Variants in RYR3 observed in about 807,000 individuals in gnomAD.
RYR3 encodes brain ryanodine receptor-calcium release channel.
In RYR3, 207 loss-of-function variants were observed where a neutral mutation model predicts 584.3. That is an observed-to-expected ratio of 0.35 (90% confidence interval 0.32 to 0.40). The LOEUF is 0.40. RYR3 is among the 10% of genes least tolerant of loss of function. The pLI is 1.00. For synonymous variants in RYR3, 2,416 were observed against 2,248.5 expected (o/e 1.07, Z -2.11); for missense variants, 5,616 against 6,089.2 (o/e 0.92, Z 2.59).
At chr15:33,474,264 G>A (rs1448707427) in intron 2 of RYR3, among the ~76,000 whole-genome samples, 1 of 152,168 alleles carries the variant, frequency 6.6e-6, no homozygotes, top group African/African-American at 2.4e-5. Flanking sequence ...TGGGCAGATG[G>A]GTGGATGGGT....
intron 24 of RYR3, among the ~76,000 whole-genome samples, chr15:33,634,347 G>A (rs555534859): frequency 4.6e-5 from 7 of 152,208 alleles, no homozygotes; most frequent in South Asian, 2.1e-4. Flanking sequence ...CACCACACCC[G>A]GCCAAAAGTG....
chr15:33,627,624 A>G (rs555528523), intron 20 of RYR3, among the ~76,000 whole-genome samples: 1 of 152,340 alleles, frequency 6.6e-6, no homozygotes, highest in South Asian at 2.1e-4. Flanking sequence ...ATGTGTTTGT[A>G]GAGACAGTGA....
rs1567046745 is a variant in RYR3 at position 33,336,466 on chromosome 15, GAGAGAGAGAGAGAGAGAGAGAA to G, written c.51+25374_51+25395del. Among the ~76,000 whole-genome samples, 8 of 37,196 alleles carry G rather than the reference GAGAGAGAGAGAGAGAGAGAGAA, an allele frequency of 2.2e-4. 1 individual carries two copies. Among genetic ancestry groups the G allele is most frequent in the Non-Finnish European group, 3.7e-4 (8 of 21,740 alleles). 24.4% of individuals were successfully genotyped at this position (37,196 alleles called of 152,430 possible). A position where few individuals can be genotyped will look rare whatever the true frequency, so the allele number is the denominator to read the frequency against. ...AGAGAGAGAGAGAGAGAGAGAGAGA[GAGAGAGAGAGAGAGAGAGAGAA>G]AGAAAGAAAGAAAGAAGGAGGGAAG... On this transcript the variant is annotated intron_variant, in intron 1 of 103. Coordinates refer to ENST00000634891, the MANE Select transcript of RYR3 (RefSeq NM_001036.6).
chr15:33,623,053 T>G (rs1161546422), intron 19 of RYR3, among the ~76,000 whole-genome samples: 2 of 152,160 alleles, frequency 1.3e-5, no homozygotes, highest in Non-Finnish European at 2.9e-5. Flanking sequence ...CCTTCCCCAC[T>G]TCGTTGGGAA....
intron 92 of RYR3, among the ~76,000 whole-genome samples, chr15:33,844,112 G>A (rs1268518365): frequency 6.6e-6 from 1 of 152,176 alleles, no homozygotes; most frequent in African/African-American, 2.4e-5. Flanking sequence ...TCTCGACATA[G>A]TCTTTAACTG....
chr15:33,556,341 T>C (rs1285829457), intron 10 of RYR3, among the ~76,000 whole-genome samples: 1 of 152,224 alleles, frequency 6.6e-6, no homozygotes, highest in Non-Finnish European at 1.5e-5. Context: ...ATCATTCACA[T>C]TGATGCCAGA....
chr15:33,659,088 T>A (rs2062992632), intron 32 of RYR3, among the ~76,000 whole-genome samples: 1 of 152,082 alleles, frequency 6.6e-6, no homozygotes, highest in Admixed American at 6.5e-5. Context: ...GTCATGACTG[T>A]GGTGGGGGCA....
chr15:33,692,560 T>C (rs1446373794), intron 38 of RYR3, among the ~76,000 whole-genome samples: 1 of 152,102 alleles, frequency 6.6e-6, no homozygotes, highest in Non-Finnish European at 1.5e-5. Context: ...GAATTACATC[T>C]GCCTGTCAGC....
intron 10 of RYR3, among the ~76,000 whole-genome samples, chr15:33,553,973 T>G (rs376870235): frequency 2.6e-4 from 40 of 152,280 alleles, no homozygotes; most frequent in African/African-American, 9.1e-4. Flanking sequence ...AACATATTTG[T>G]TTTTTTCTAA....
intron 1 of RYR3, among the ~76,000 whole-genome samples, chr15:33,364,638 G>A (rs1360496979): frequency 6.6e-6 from 1 of 152,190 alleles, no homozygotes; most frequent in Non-Finnish European, 1.5e-5. Context: ...AGGCCTTGCT[G>A]AAAAAGTCAT....
At chr15:33,384,076 C>T (rs1567136262) in intron 1 of RYR3, among the ~76,000 whole-genome samples, 1 of 152,150 alleles carries the variant, frequency 6.6e-6, no homozygotes, top group African/African-American at 2.4e-5. Context: ...GGCTTTTGTC[C>T]TGTGCACTCT....
At chr15:33,705,167 C>G (rs918292377) in intron 42 of RYR3, among the ~76,000 whole-genome samples, 10 of 149,314 alleles carry the variant, frequency 6.7e-5, no homozygotes, top group Non-Finnish European at 1.3e-4. Context: ...TGTGAAATGT[C>G]TGCACCTGCA....
At chr15:33,400,387 A>G (rs74996897) in intron 1 of RYR3, among the ~76,000 whole-genome samples, 2,007 of 152,260 alleles carry the variant, frequency 0.013, 45 homozygotes, top group African/African-American at 0.044. Flanking sequence ...CACACACACT[A>G]TAGGCTGCTG....
intron 27 of RYR3, among the ~76,000 whole-genome samples, chr15:33,638,830 A>G (rs1287192136): frequency 2.0e-5 from 3 of 151,228 alleles, no homozygotes; most frequent in Non-Finnish European, 4.4e-5. Context: ...TGTTAACTAC[A>G]GAATACAAGA....
intron 54 of RYR3, 59 bp downstream of exon 54, chr15:33,748,319 A>C (rs1203157473): frequency 1.0e-5 from 16 of 1,594,172 alleles, no homozygotes; most frequent in Admixed American, 3.4e-5. Context: ...AGAATCTGGG[A>C]ATGTTCTGCC....
rs557243258 is a variant in RYR3, at chr15:33,813,174, A to G, written c.10389+180A>G. Reference sequence around the variant, plus strand: ...ATGCCCTGTGATAGGAGACCTCTCCATTATTTCCCCTGCCAGTGTTTTGTG... The same window carrying G: ...ATGCCCTGTGATAGGAGACCTCTCCGTTATTTCCCCTGCCAGTGTTTTGTG... On this transcript the variant is annotated intron_variant, in intron 73 of 103. Coordinates refer to ENST00000634891, the MANE Select transcript of RYR3 (RefSeq NM_001036.6). 2.6e-5 allele frequency among the ~76,000 whole-genome samples: 4 copies of G among 152,306 alleles called. No homozygotes were observed. In the East Asian group the frequency reaches 7.7e-4, roughly 29 times the overall value.
chr15:33,767,959 G>A (rs2073241587), intron 60 of RYR3, among the ~76,000 whole-genome samples: 1 of 152,212 alleles, frequency 6.6e-6, no homozygotes, highest in South Asian at 2.1e-4. Flanking sequence ...GTCAAACAAT[G>A]AGGCACAGCT....
intron 21 of RYR3, among the ~76,000 whole-genome samples, chr15:33,629,220 C>T (rs961475333): frequency 1.3e-5 from 2 of 152,170 alleles, no homozygotes; most frequent in African/African-American, 4.8e-5. Context: ...GTAGTACAGG[C>T]ATTCAACAAA....
chr15:33,386,841 A>T (rs1225304803), intron 1 of RYR3, among the ~76,000 whole-genome samples: 3 of 151,774 alleles, frequency 2.0e-5, no homozygotes, highest in African/African-American at 4.8e-5. Context: ...ATGTGTCAGA[A>T]TTTTTTTCCT....
Sources: allele counts gnomAD v4.1 joint callset (sites outside exome capture counted in the v4.1 genomes callset), GRCh38; gene constraint gnomAD v4.1.1; transcripts MANE v1.5; gene names NCBI Gene and HGNC (gene_info 2026-07-23, HGNC 2026-07-21).